The following DUSP13B variants were observed in gnomAD, a reference collection of about 807,000 sequenced individuals.
The protein encoded by DUSP13B is dual specificity protein phosphatase 13B.
At chr10:75,101,762 C>G in the DUSP13B span, 1 of 762,866 alleles carries the variant, frequency 1.3e-6, no homozygotes, top group South Asian at 1.4e-5. Context: ...TCTACCCAAC[C>G]CAAACCCCAC....
chr10:75,109,128 C>T, the DUSP13B span: 5 of 1,606,554 alleles, frequency 3.1e-6, no homozygotes, highest in African/African-American at 2.7e-5. Flanking sequence ...TGTCCTCTCC[C>T]CCCAGCTCTG....
At chr10:75,108,475 G>A in the DUSP13B span, among the ~76,000 whole-genome samples, 263 of 152,298 alleles carry the variant, frequency 1.7e-3, 3 homozygotes, top group East Asian at 0.023. Context: ...GCCAGGACAG[G>A]AAGGAAGGGA....
chr10:75,103,939 G>C, the DUSP13B span: 10 of 1,320,616 alleles, frequency 7.6e-6, no homozygotes, highest in Admixed American at 4.4e-5. Context: ...TAGGCGCCAG[G>C]AGGAGCCAGA....
chr10:75,098,787 C>T, the DUSP13B span, among the ~76,000 whole-genome samples: 2 of 152,168 alleles, frequency 1.3e-5, no homozygotes, highest in African/African-American at 4.8e-5. Context: ...CCTGATGTCT[C>T]ACTCGTGGGA....
the DUSP13B span, among the ~76,000 whole-genome samples, chr10:75,099,925 C>T: frequency 5.9e-5 from 9 of 152,094 alleles, no homozygotes; most frequent in Non-Finnish European, 1.0e-4. Context: ...TCTGGATATG[C>T]GGTCACTGCA....
chr10:75,095,660 C>T, the DUSP13B span: 1 of 1,614,208 alleles, frequency 6.2e-7, no homozygotes, highest in South Asian at 1.1e-5. Flanking sequence ...TGTCGTCCGC[C>T]TCGATGCCAT....
At chr10:75,094,947 C>A in the DUSP13B span, 1 of 1,362,258 alleles carries the variant, frequency 7.3e-7, no homozygotes, top group Non-Finnish European at 1.0e-6. Context: ...GAAGAAGAGA[C>A]ACCCATGGCC....
At chr10:75,107,619 C>T in the DUSP13B span, among the ~76,000 whole-genome samples, 1 of 152,016 alleles carries the variant, frequency 6.6e-6, no homozygotes, top group African/African-American at 2.4e-5. Flanking sequence ...CCCTTTTGCC[C>T]AGGCTAGAGT....
chr10:75,100,426 C>A, the DUSP13B span, among the ~76,000 whole-genome samples: 6 of 152,334 alleles, frequency 3.9e-5, no homozygotes, highest in Admixed American at 2.0e-4. Context: ...GCCACCCCCC[C>A]AGGGACTCGT....
chr10:75,096,619 C>A, the DUSP13B span, among the ~76,000 whole-genome samples: 3 of 150,334 alleles, frequency 2.0e-5, no homozygotes, highest in Non-Finnish European at 4.4e-5. Flanking sequence ...TGTGGTTGTG[C>A]AAACCTGTAT....
At chr10:75,103,817 T>TC in the DUSP13B span, 1 of 1,149,328 alleles carries the variant, frequency 8.7e-7, no homozygotes, top group Non-Finnish European at 1.1e-6. Context: ...TCTCCTCCCC[T>TC]CCCCACTTTC....
chr10:75,098,972 G>A, the DUSP13B span: 9 of 1,231,758 alleles, frequency 7.3e-6, no homozygotes, highest in Non-Finnish European at 9.1e-6. Context: ...GCTTCCTCAA[G>A]GGAGCCTGGT....
At chr10:75,094,729 G>A in the DUSP13B span, 24 of 1,614,148 alleles carry the variant, frequency 1.5e-5, no homozygotes, top group African/African-American at 1.6e-4. Context: ...TGGAGCTGCC[G>A]GAGGAAGCCT....
chr10:75,108,128 A>G, the DUSP13B span: 2 of 1,613,638 alleles, frequency 1.2e-6, no homozygotes, highest in Middle Eastern at 1.7e-4. Context: ...GGCCGCCCTG[A>G]CAGTAGAGGC....
the DUSP13B span, among the ~76,000 whole-genome samples, chr10:75,100,030 T>C: frequency 4.6e-5 from 7 of 152,114 alleles, no homozygotes; most frequent in African/African-American, 1.7e-4. Flanking sequence ...CAGGTGGGGC[T>C]GCACCACCCC....
chr10:75,105,636 C>A, the DUSP13B span: 3 of 1,543,382 alleles, frequency 1.9e-6, no homozygotes, highest in East Asian at 4.9e-5. Context: ...CCAACCACAT[C>A]CAGCTTTGCC....
the DUSP13B span, among the ~76,000 whole-genome samples, chr10:75,106,169 T>C: frequency 6.7e-6 from 1 of 150,170 alleles, no homozygotes; most frequent in South Asian, 2.1e-4. Flanking sequence ...CTTGAACTCC[T>C]GAACTTAAGT....
At chr10:75,103,910 C>T in the DUSP13B span, 1 of 1,312,286 alleles carries the variant, frequency 7.6e-7, no homozygotes, top group African/African-American at 1.5e-5. Flanking sequence ...AGACTGAAGA[C>T]AGTGGCTGAG....
chr10:75,098,541 C>A, the DUSP13B span, among the ~76,000 whole-genome samples: 1 of 152,164 alleles, frequency 6.6e-6, no homozygotes, highest in East Asian at 1.9e-4. Context: ...GCAGGCAGAT[C>A]AACTGAGGTC....
Sources: gnomAD v4.1 joint callset for allele counts (sites outside exome capture counted in the v4.1 genomes callset) on GRCh38, gnomAD v4.1.1 for gene constraint, MANE v1.5 for transcripts, NCBI Gene and HGNC (gene_info 2026-07-23, HGNC 2026-07-21) for gene names.